The following EYS variants were observed in gnomAD, a reference collection of about 807,000 sequenced individuals.
The protein encoded by EYS is EGF-like photoreceptor maintenance factor, also known as protein eyes shut homolog.
Under a neutral mutation model 282.1 loss-of-function variants are expected in EYS, and 250 were observed. That is an observed-to-expected ratio of 0.89 (90% CI 0.80 to 0.98). The LOEUF is 0.98. Among genes scored for constraint, EYS ranks in the 50% least tolerant of loss-of-function variants. The pLI, the probability that EYS is intolerant of heterozygous loss-of-function variation, is 0.00. For missense variants in EYS, 4,016 were observed against 3,709.0 expected (o/e 1.08, Z -2.15); for synonymous variants, 1,355 against 1,282.9 (o/e 1.06, Z -1.20).
At chr6:63,991,118 T>C (rs1196127162) in intron 34 of EYS, among the ~76,000 whole-genome samples, 2 of 151,660 alleles carry the variant, frequency 1.3e-5, no homozygotes, top group African/African-American at 2.4e-5. Flanking sequence ...AGCAAGAGAT[T>C]ATGAGCTCCT....
At chr6:64,055,905 T>C (rs1332103932) in intron 33 of EYS, among the ~76,000 whole-genome samples, 2 of 152,020 alleles carry the variant, frequency 1.3e-5, no homozygotes, top group African/African-American at 4.8e-5. Context: ...AACCCAAATG[T>C]CTCAGGCTTC....
At chr6:64,203,665 G>A (rs1765536717) in intron 31 of EYS, among the ~76,000 whole-genome samples, 1 of 152,018 alleles carries the variant, frequency 6.6e-6, no homozygotes, top group Non-Finnish European at 1.5e-5. Flanking sequence ...GAAAAGGAGG[G>A]ACATTAAAAA....
At chr6:65,626,859 C>G (rs984589489) in intron 2 of EYS, among the ~76,000 whole-genome samples, 2 of 151,012 alleles carry the variant, frequency 1.3e-5, no homozygotes, top group Admixed American at 1.3e-4. Flanking sequence ...CTCATAAGAA[C>G]AGAGAGCCCC....
intron 28 of EYS, among the ~76,000 whole-genome samples, chr6:64,434,732 A>G (rs1428723271): frequency 6.6e-6 from 1 of 152,132 alleles, no homozygotes; most frequent in Admixed American, 6.6e-5. Context: ...AAGTATAGAT[A>G]ATTATAATTG....
At chr6:65,628,225 A>G (rs1582540001) in intron 2 of EYS, among the ~76,000 whole-genome samples, 1 of 151,442 alleles carries the variant, frequency 6.6e-6, no homozygotes, top group South Asian at 2.1e-4. Flanking sequence ...GAGTGCACCA[A>G]TCGACACTCC....
At chr6:63,756,054 A>G (rs1251432152) in intron 41 of EYS, among the ~76,000 whole-genome samples, 1 of 152,186 alleles carries the variant, frequency 6.6e-6, no homozygotes. Context: ...TTTTCTAAAT[A>G]TATAATCATG....
chr6:64,270,705 T>C (rs554115666), intron 30 of EYS, among the ~76,000 whole-genome samples: 8 of 152,288 alleles, frequency 5.3e-5, no homozygotes, highest in Admixed American at 2.6e-4. Flanking sequence ...AGCATAATAA[T>C]AAAACAATGA....
intron 2 of EYS, among the ~76,000 whole-genome samples, chr6:65,609,131 T>A (rs999758470): frequency 6.6e-6 from 1 of 152,098 alleles, no homozygotes; most frequent in African/African-American, 2.4e-5. Context: ...TTTGTATGAC[T>A]GGCAGAGCAG....
intron 5 of EYS, among the ~76,000 whole-genome samples, chr6:65,444,718 G>C (rs1265920543): frequency 6.6e-6 from 1 of 152,030 alleles, no homozygotes; most frequent in Admixed American, 6.6e-5. Flanking sequence ...TTAACATTTA[G>C]TATAAATATT....
intron 31 of EYS, among the ~76,000 whole-genome samples, chr6:64,096,728 G>A (rs952493972): frequency 3.8e-4 from 58 of 152,022 alleles, no homozygotes; most frequent in Middle Eastern, 3.4e-3. Context: ...TAGTTTGATC[G>A]TCTGAAGCCT....
At chr6:65,194,784 A>T (rs1050697691) in intron 12 of EYS, among the ~76,000 whole-genome samples, 1 of 151,778 alleles carries the variant, frequency 6.6e-6, no homozygotes, top group Non-Finnish European at 1.5e-5. Flanking sequence ...CCCGGGTCCA[A>T]TCTCCTCAAA....
At chr6:64,539,390 C>T (rs928666287) in intron 26 of EYS, among the ~76,000 whole-genome samples, 2 of 151,958 alleles carry the variant, frequency 1.3e-5, no homozygotes, top group African/African-American at 4.8e-5. Context: ...CCTAGCAATA[C>T]CCTGTCTCTA....
chr6:64,567,082 T>G (rs536232474), intron 26 of EYS, among the ~76,000 whole-genome samples: 1 of 152,282 alleles, frequency 6.6e-6, no homozygotes, highest in African/African-American at 2.4e-5. Flanking sequence ...GCCTTAATTC[T>G]AATCTTTCAA....
chr6:64,374,877 T>A (rs1338729890), intron 29 of EYS, among the ~76,000 whole-genome samples: 1 of 152,146 alleles, frequency 6.6e-6, no homozygotes, highest in Non-Finnish European at 1.5e-5. Flanking sequence ...GTCTAGTCAG[T>A]CTTCTTTTTC....
chr6:63,721,942 C>T, intron 42 of EYS, 145 bp from the exon 43 acceptor site: 1 of 735,092 alleles, frequency 1.4e-6, no homozygotes. Context: ...GTTTTGTTTC[C>T]ACTCACAGAG....
intron 28 of EYS, among the ~76,000 whole-genome samples, chr6:64,395,216 CA>C (rs1773318822): frequency 6.6e-5 from 10 of 152,078 alleles, no homozygotes. Context: ...TTGTGGAAGT[CA>C]GTGTGGCGAT....
intron 29 of EYS, among the ~76,000 whole-genome samples, chr6:64,338,554 T>C (rs997014272): frequency 6.6e-6 from 1 of 151,992 alleles, no homozygotes; most frequent in African/African-American, 2.4e-5. Flanking sequence ...AAAATGACCA[T>C]ACTGCTAAAG....
chr6:63,721,234 ATGAT>A lies in EYS; in HGVS notation c.8793_8796del (p.Gln2931HisfsTer43), dbSNP rs1554163919. ...AAAGTACACAGGCAACTGTAAGAAA[ATGAT>A]TGGTCAGGTATACATAAAGATTGGT... On this transcript the variant is annotated frameshift_variant, in exon 43 of 43. Transcript: ENST00000503581. LOFTEE classifies it high-confidence loss of function. The A allele has an allele frequency of 6.4e-7, 1 of 1,551,860 alleles. No homozygotes were observed. Among genetic ancestry groups the A allele is most frequent in the Non-Finnish European group, 8.7e-7 (1 of 1,146,976 alleles).
chr6:64,433,626 G>A (rs1164376016), intron 28 of EYS, among the ~76,000 whole-genome samples: 1 of 151,902 alleles, frequency 6.6e-6, no homozygotes, highest in African/African-American at 2.4e-5. Context: ...AGAAGCAATG[G>A]TGTATGTAAA....
Sources: gnomAD v4.1 joint callset for allele counts (sites outside exome capture counted in the v4.1 genomes callset) on GRCh38, gnomAD v4.1.1 for gene constraint, MANE v1.5 for transcripts, NCBI Gene and HGNC (gene_info 2026-07-23, HGNC 2026-07-21) for gene names.